Variants in NGLY1 observed in about 807,000 individuals in gnomAD.
NGLY1 encodes N-glycanase 1, also known as peptide-N(4)-(N-acetyl-beta-glucosaminyl)asparagine amidase.
NGLY1 carries 68 observed loss-of-function variants against 84.6 expected under a neutral mutation model. The ratio of observed to expected loss-of-function variants is 0.80; its 90% confidence interval spans 0.66 to 0.98. The LOEUF (loss-of-function observed/expected upper bound fraction) is 0.98, where lower values mean the gene tolerates loss of function less well. Among genes scored for constraint, NGLY1 ranks in the 50% least tolerant of loss-of-function variants. The probability of loss-of-function intolerance (pLI) is 0.00; values close to 1 mark genes in which losing one functional copy is unlikely to be tolerated. For synonymous variants in NGLY1, 280 were observed against 275.2 expected (o/e 1.02, Z -0.17); for missense variants, 779 against 770.2 (o/e 1.01, Z -0.14).
At chr3:25,778,053 T>C (rs1708238968) in intron 2 of NGLY1, among the ~76,000 whole-genome samples, 1 of 152,204 alleles carries the variant, frequency 6.6e-6, no homozygotes, top group African/African-American at 2.4e-5. Flanking sequence ...ACTTTCGATG[T>C]GTCATAAAAT....
At chr3:25,731,665 T>C (rs1438549745) in intron 9 of NGLY1, among the ~76,000 whole-genome samples, 1 of 152,122 alleles carries the variant, frequency 6.6e-6, no homozygotes, top group African/African-American at 2.4e-5. Flanking sequence ...CAGCACCATT[T>C]ATATCAGCCA....
At chr3:25,771,119 A>C (rs1254060285) in intron 2 of NGLY1, among the ~76,000 whole-genome samples, 3 of 152,174 alleles carry the variant, frequency 2.0e-5, no homozygotes, top group African/African-American at 7.2e-5. Flanking sequence ...GTCTTCGTCT[A>C]AGCCAATGTC....
chr3:25,757,811 T>C (rs759687120), intron 3 of NGLY1, among the ~76,000 whole-genome samples: 2 of 152,340 alleles, frequency 1.3e-5, no homozygotes, highest in Middle Eastern at 3.4e-3. Context: ...ACAATTAAGT[T>C]ATAATAATAT....
At chr3:25,784,518 G>C (rs1708561332), upstream of NGLY1, among the ~76,000 whole-genome samples, 1 of 152,154 alleles carries the variant, frequency 6.6e-6, no homozygotes, top group Non-Finnish European at 1.5e-5. Flanking sequence ...CCATGTTCTT[G>C]AAAGTGTACT....
chr3:25,758,553 G>A (rs1295712642), intron 3 of NGLY1, among the ~76,000 whole-genome samples: 2 of 152,142 alleles, frequency 1.3e-5, no homozygotes, highest in Non-Finnish European at 2.9e-5. Context: ...GTTCCAGCCT[G>A]AGCGACAAAG....
chr3:25,789,993 G>A (rs1180445425), exon 1 of NGLY1: 5 of 1,170,334 alleles, frequency 4.3e-6, no homozygotes, highest in Non-Finnish European at 6.2e-6. Flanking sequence ...GCGGCTTAAA[G>A]TCAACCGGCG....
At chr3:25,722,494 T>C (rs1705053268) in intron 10 of NGLY1, among the ~76,000 whole-genome samples, 1 of 152,148 alleles carries the variant, frequency 6.6e-6, no homozygotes, top group Non-Finnish European at 1.5e-5. Context: ...AACCAACCTA[T>C]AGCTATTTTT....
At position 25,764,191 on chromosome 3, in the gene NGLY1, T is replaced by C. The variant is rs546383653; in HGVS notation, c.367A>G (p.Lys123Glu). ...CTGGCTGCAGGTTGCTGAGATGACT[T>C]TACTTTGTGGCTCTTATTTGAGCCA... Reference protein sequence around the residue: ...LDGSNKSHKVKSSQQPAASTQ... With the variant: ...LDGSNKSHKVESSQQPAASTQ... The change falls in exon 3 of 12, where the codon AAG becomes GAG. Residue 123 changes from lysine to glutamate, a missense_variant. Transcript: ENST00000280700. The C allele has an allele frequency of 6.2e-7, 1 of 1,614,166 alleles. No homozygotes were observed. Among genetic ancestry groups the C allele is most frequent in the South Asian group, 1.1e-5 (1 of 91,074 alleles).
At chr3:25,786,426 A>G (rs1328288350), upstream of NGLY1, among the ~76,000 whole-genome samples, 2 of 152,098 alleles carry the variant, frequency 1.3e-5, no homozygotes, top group Non-Finnish European at 2.9e-5. Flanking sequence ...TGGAACAAAA[A>G]TAAATAAATA....
At chr3:25,753,349 G>A (rs1559545510) in intron 3 of NGLY1, among the ~76,000 whole-genome samples, 1 of 152,070 alleles carries the variant, frequency 6.6e-6, no homozygotes, top group Non-Finnish European at 1.5e-5. Flanking sequence ...TTTCTGATAT[G>A]TAACAATACA....
chr3:25,731,644 A>G (rs1705540853), intron 9 of NGLY1, among the ~76,000 whole-genome samples: 1 of 152,156 alleles, frequency 6.6e-6, no homozygotes, highest in African/African-American at 2.4e-5. Flanking sequence ...CGTGAATATA[A>G]ATGTTCAGAG....
intron 3 of NGLY1, chr3:25,755,461 C>T: frequency 6.8e-7 from 1 of 1,464,792 alleles, no homozygotes; most frequent in Non-Finnish European, 9.6e-7. Flanking sequence ...CAGTGACAAG[C>T]CAAAGATTTA....
At chr3:25,754,622 G>A (rs1375161675) in intron 3 of NGLY1, among the ~76,000 whole-genome samples, 1 of 151,560 alleles carries the variant, frequency 6.6e-6, no homozygotes, top group Non-Finnish European at 1.5e-5. Context: ...AGAGCTCCAA[G>A]AGAGCTGGTG....
Position 25,749,345 on chromosome 3 carries a change from C to T in NGLY1, c.658+1753G>A, listed in dbSNP as rs75014791. ...CAATAGCCAAAATATTGAAACAACC[C>T]AAGTATCCATGAATAAATGAATAAA... On this transcript the variant is annotated intron_variant, in intron 4 of 11. Coordinates refer to ENST00000280700, the MANE Select transcript of NGLY1 (RefSeq NM_018297.4). 1.5e-3 allele frequency: 843 copies of T among 556,596 alleles called. 4 individuals carry two copies. The highest frequency in any genetic ancestry group is 0.015 in the African/African-American group (786 of 52,652). 34.5% of individuals were successfully genotyped at this position (556,596 alleles called of 1,614,324 possible).
chr3:25,751,217 T>A lies in NGLY1; in HGVS notation c.539A>T (p.Gln180Leu), dbSNP rs958601385. The A allele has an allele frequency of 2.5e-6, 4 of 1,611,040 alleles. No homozygotes were observed. Among genetic ancestry groups the A allele is most frequent in the Non-Finnish European group, 3.4e-6 (4 of 1,178,692 alleles). The change falls in exon 4 of 12, where the codon CAG (glutamine) becomes CTG (leucine). Residue 180 changes from glutamine (Q) to leucine (L), a missense_variant. Gln to Leu is a moderately radical substitution (Grantham distance 113, BLOSUM62 -2). Coordinates refer to ENST00000280700, the MANE Select transcript of NGLY1 (RefSeq NM_018297.4). Reference protein sequence around the residue: ...AILEVLQSNIQHVLVYENPAL... With the variant: ...AILEVLQSNILHVLVYENPAL... ...AGGATTTTCATAGACCAGCACATGC[T>A]GAATGTTGGACTGAAGAACTTCTAG... is the stretch of plus-strand genomic sequence containing the variant.
At chr3:25,788,739 T>A (rs1708656682) in intron 1 of NGLY1, among the ~76,000 whole-genome samples, 1 of 152,260 alleles carries the variant, frequency 6.6e-6, no homozygotes, top group Non-Finnish European at 1.5e-5. Context: ...TGTTACTTTA[T>A]AACCACATGT....
chr3:25,721,323 T>C (rs1304221671), intron 10 of NGLY1, among the ~76,000 whole-genome samples: 1 of 152,168 alleles, frequency 6.6e-6, no homozygotes, highest in Non-Finnish European at 1.5e-5. Context: ...GCTGAGATTG[T>C]AGGTGTGAGC....
At chr3:25,754,518 A>C (rs1327053474) in intron 3 of NGLY1, among the ~76,000 whole-genome samples, 1 of 152,176 alleles carries the variant, frequency 6.6e-6, no homozygotes, top group Non-Finnish European at 1.5e-5. Context: ...GACTTAAGCA[A>C]GAAGAGTAAA....
At chr3:25,742,394 A>C (rs1706193209) in intron 4 of NGLY1, among the ~76,000 whole-genome samples, 1 of 152,198 alleles carries the variant, frequency 6.6e-6, no homozygotes, top group African/African-American at 2.4e-5. Context: ...TGTCCAATAC[A>C]TATTTGTAAA....
Sources: allele counts gnomAD v4.1 joint callset (sites outside exome capture counted in the v4.1 genomes callset), GRCh38; gene constraint gnomAD v4.1.1; transcripts MANE v1.5; gene names NCBI Gene and HGNC (gene_info 2026-07-23, HGNC 2026-07-21).